Variants in TSKU observed in about 807,000 individuals in gnomAD.
TSKU encodes tsukushi, small leucine rich proteoglycan.
Under a neutral mutation model 11.2 loss-of-function variants are expected in TSKU, and 4 were observed. That is an observed-to-expected ratio of 0.36 (90% CI 0.18 to 0.82). The LOEUF is 0.82. TSKU is among the 40% of genes least tolerant of loss of function. The pLI is 0.50. For synonymous variants in TSKU, 220 were observed against 232.2 expected (o/e 0.95, Z 0.48); for missense variants, 407 against 482.5 (o/e 0.84, Z 1.47).
rs1248164356 is a variant in TSKU, at chr11:76,796,475, T to A, written c.859T>A (p.Ser287Thr). The change falls in exon 2 of 2, where the codon TCG (serine) becomes ACG (threonine). Residue 287 changes from serine to threonine, a missense_variant. Ser to Thr is a moderately conservative substitution (Grantham distance 58, BLOSUM62 1). Transcript: ENST00000333090. The surrounding 1 kb of genome is among the most constrained non-coding windows in gnomAD (Gnocchi z 4.1). The part of the protein sequence containing the change: ...GLSSLQELDL[S>T]GTNLVPLPEA... ...GAGCTCCCTGCAGGAGCTGGACCTTTCGGGCACCAACCTGGTGCCCCTGCC... is the reference window on the plus strand; with the variant it reads ...GAGCTCCCTGCAGGAGCTGGACCTTACGGGCACCAACCTGGTGCCCCTGCC... 6.2e-7 allele frequency: 1 copy of A among 1,613,144 alleles called. No homozygotes were observed. Among genetic ancestry groups the A allele is most frequent in the Non-Finnish European group, 8.5e-7 (1 of 1,179,808 alleles).
intron 1 of TSKU, among the ~76,000 whole-genome samples, chr11:76,787,238 C>T (rs894698790): frequency 1.3e-5 from 2 of 152,178 alleles, no homozygotes; most frequent in African/African-American, 4.8e-5. Context: ...CCCATAGCGC[C>T]TCCTCATGTG....
intron 1 of TSKU, among the ~76,000 whole-genome samples, chr11:76,789,083 T>A (rs2134391573): frequency 6.6e-6 from 1 of 152,348 alleles, no homozygotes; most frequent in Admixed American, 6.5e-5. Flanking sequence ...GGCCCTGCTC[T>A]GCCATTCCTT....
At position 76,795,922 on chromosome 11, in the gene TSKU, T is replaced by C. The variant is rs1409372011; in HGVS notation, c.306T>C (p.Thr102=). The change falls in exon 2 of 2, where the codon ACT becomes ACC. Residue 102 remains threonine (T), a synonymous_variant. Transcript: ENST00000333090. ...ACCTGCTCACCAGCATCTCACCCACTGCCTTCTCCCGCCTTCGCTACCTGG... is the reference window on the plus strand; with the variant it reads ...ACCTGCTCACCAGCATCTCACCCACCGCCTTCTCCCGCCTTCGCTACCTGG... ...SHNLLTSISP[T]AFSRLRYLES... The C allele has an allele frequency of 1.2e-6, 2 of 1,613,970 alleles. No individual in the cohort carries two copies. Among genetic ancestry groups the C allele is most frequent in the Admixed American group, 3.3e-5 (2 of 60,026 alleles).
chr11:76,783,179 C>A (rs1371658616), upstream of TSKU: 1 of 151,988 alleles, frequency 6.6e-6, no homozygotes, highest in Non-Finnish European at 1.5e-5. Flanking sequence ...TCGGCTCAGG[C>A]TCCGCGGGCG....
chr11:76,784,476 C>T (rs1944287170), intron 1 of TSKU: 1 of 152,410 alleles, frequency 6.6e-6, no homozygotes, highest in South Asian at 2.1e-4. Flanking sequence ...CAGGTTTCAA[C>T]TGGGACGGCC....
Position 76,796,878 on chromosome 11 carries a change from G to T in TSKU, c.*200G>T. On this transcript the variant is annotated 3_prime_UTR_variant, in exon 2 of 2. Coordinates refer to ENST00000333090, the MANE Select transcript of TSKU (RefSeq NM_015516.4). The surrounding 1 kb of genome is among the most constrained non-coding windows in gnomAD (Gnocchi z 4.1). Reference sequence around the variant, plus strand: ...AGCAAAGTCTCACCCCTTTGTCTACGTTGCTTCCCCAAACCATGAGCAGAG... The same window carrying T: ...AGCAAAGTCTCACCCCTTTGTCTACTTTGCTTCCCCAAACCATGAGCAGAG... 1 of 430,288 alleles carries T rather than the reference G, an allele frequency of 2.3e-6. No homozygotes were observed. 26.7% of individuals were successfully genotyped at this position (430,288 alleles called of 1,614,324 possible). A position where few individuals can be genotyped will look rare whatever the true frequency, so the allele number is the denominator to read the frequency against.
At chr11:76,795,526 A>G in intron 1 of TSKU, 83 bp from the exon 2 acceptor site, 1 of 1,495,898 alleles carries the variant, frequency 6.7e-7, no homozygotes, top group Admixed American at 1.8e-5. Context: ...ACCTTCCAAC[A>G]GTGTCTAGAC....
chr11:76,789,559 C>T (rs1338648175), intron 1 of TSKU, among the ~76,000 whole-genome samples: 1 of 152,238 alleles, frequency 6.6e-6, no homozygotes, highest in Non-Finnish European at 1.5e-5. Flanking sequence ...CCCAACAATG[C>T]ATGATTCATG....
At chr11:76,788,320 T>A (rs1462152242) in intron 1 of TSKU, among the ~76,000 whole-genome samples, 2 of 151,770 alleles carry the variant, frequency 1.3e-5, no homozygotes, top group Non-Finnish European at 2.9e-5. Context: ...TGGAAAACTT[T>A]ACAGACCAGA....
intron 1 of TSKU, chr11:76,792,509 G>T (rs2134398389): frequency 6.6e-6 from 1 of 152,292 alleles, no homozygotes; most frequent in Admixed American, 6.5e-5. Flanking sequence ...GTTTAGCTGT[G>T]CCCGCACCCA....
chr11:76,796,027 C>T lies in TSKU; in HGVS notation c.411C>T (p.Asn137=), dbSNP rs200098321. Residue 137 remains asparagine (N), a synonymous_variant, in exon 2 of 2, where the codon AAC becomes AAT. Coordinates refer to ENST00000333090, the MANE Select transcript of TSKU (RefSeq NM_015516.4). This position sits in a 1 kb window ranked among gnomAD's most constrained non-coding sequence, Gnocchi z 4.1. ...SFTSSPLSDV[N]LSHNQLREVS... ...CCAGCTCACCCCTGAGCGACGTGAA[C>T]CTTAGCCACAACCAGCTCCGGGAGG... The T allele has an allele frequency of 4.2e-5, 68 of 1,614,008 alleles. 1 individual carries two copies. The East Asian group carries it at 1.5e-3, about 36-fold the overall frequency.
intron 1 of TSKU, among the ~76,000 whole-genome samples, chr11:76,788,633 C>A (rs1270544713): frequency 6.6e-6 from 1 of 152,190 alleles, no homozygotes; most frequent in Non-Finnish European, 1.5e-5. Context: ...GTCATTTAAT[C>A]CTTTCAACAA....
At chr11:76,786,978 C>T (rs1944318725) in intron 1 of TSKU, among the ~76,000 whole-genome samples, 1 of 152,194 alleles carries the variant, frequency 6.6e-6, no homozygotes, top group Admixed American at 6.5e-5. Flanking sequence ...TTTTTCTTCC[C>T]TGGTCCCTGA....
At position 76,796,125 on chromosome 11, in the gene TSKU, A is replaced by G; in HGVS notation, c.509A>G (p.His170Arg). 6.2e-7 allele frequency: 1 copy of G among 1,612,552 alleles called. No homozygotes were observed. The highest frequency in any genetic ancestry group is 1.7e-5 in the Admixed American group (1 of 59,934). The change falls in exon 2 of 2, where the codon CAC becomes CGC. Residue 170 changes from histidine (H) to arginine (R), a missense_variant. Coordinates refer to ENST00000333090, the MANE Select transcript of TSKU (RefSeq NM_015516.4). The surrounding 1 kb of genome is among the most constrained non-coding windows in gnomAD (Gnocchi z 4.1). The part of the protein sequence containing the change: ...LHVDLSHNLI[H>R]RLVPHPTRAG... ...GTGGACCTCTCCCACAACCTCATTC[A>G]CCGCCTCGTGCCCCACCCCACGAGG...
chr11:76,795,306 C>T (rs1944424464), intron 1 of TSKU, among the ~76,000 whole-genome samples: 1 of 152,230 alleles, frequency 6.6e-6, no homozygotes, highest in African/African-American at 2.4e-5. Flanking sequence ...AAGTCGAGGG[C>T]TTCAGGTCCC....
chr11:76,790,979 G>C (rs551153997), intron 1 of TSKU, among the ~76,000 whole-genome samples: 16 of 152,186 alleles, frequency 1.1e-4, no homozygotes, highest in Non-Finnish European at 2.2e-4. Flanking sequence ...CCAAAATCCT[G>C]ATGGCAATAT....
chr11:76,796,567 G>T lies in TSKU; in HGVS notation c.951G>T (p.Arg317=), dbSNP rs1944453439. ...SVSVGQDVRC[R]RLVREGTYPR... ...GCGTGGGCCAGGATGTGCGGTGCCG[G>T]CGCCTGGTGCGGGAGGGCACCTACC... Residue 317 remains arginine (R), a synonymous_variant, in exon 2 of 2, where the codon CGG becomes CGT. Transcript: ENST00000333090. The surrounding 1 kb of genome is among the most constrained non-coding windows in gnomAD (Gnocchi z 4.1). 6.3e-7 allele frequency: 1 copy of T among 1,577,894 alleles called. No individual in the cohort carries two copies. Among genetic ancestry groups the T allele is most frequent in the African/African-American group, 1.4e-5 (1 of 73,762 alleles).
At position 76,787,012 on chromosome 11, in the gene TSKU, C is replaced by A. The variant is rs117729185; in HGVS notation, c.-9+3608C>A. Among the ~76,000 whole-genome samples the A allele has an allele frequency of 7.4e-3, 1,129 of 152,256 alleles. 44 individuals are homozygous for A. The highest frequency in any genetic ancestry group is 0.048 in the East Asian group (250 of 5,172). On this transcript the variant is annotated intron_variant, in intron 1 of 1. Transcript: ENST00000333090. ...GAAATCACTCACTGGGGACAGGAAC[C>A]AACATTCAGTGAATACCAACATGTG... is the stretch of plus-strand genomic sequence containing the variant.
rs1944465449 is a variant in TSKU at position 76,797,170 on chromosome 11, C to G, written c.*492C>G. The G allele has an allele frequency of 6.0e-6, 1 of 167,832 alleles. No individual in the cohort carries two copies. Among genetic ancestry groups the G allele is most frequent in the African/African-American group, 2.4e-5 (1 of 41,480 alleles). 10.4% of individuals were successfully genotyped at this position (167,832 alleles called of 1,614,324 possible). A position where few individuals can be genotyped will look rare whatever the true frequency, so the allele number is the denominator to read the frequency against. On this transcript the variant is annotated 3_prime_UTR_variant, in exon 2 of 2. Coordinates refer to ENST00000333090, the MANE Select transcript of TSKU (RefSeq NM_015516.4). ...GCCCGCTTCATCCTTTTCTATTTCC[C>G]TAGAACCTTAATGGTAGAAGGAATT...
Sources: gnomAD v4.1 joint callset for allele counts (sites outside exome capture counted in the v4.1 genomes callset) on GRCh38, gnomAD v4.1.1 for gene constraint, Gnocchi (gnomAD v3.1) non-coding constraint, MANE v1.5 for transcripts, NCBI Gene and HGNC (gene_info 2026-07-23, HGNC 2026-07-21) for gene names.